NUMB: variants seen among roughly 807,000 people sequenced by gnomAD.
The protein encoded by NUMB is NUMB endocytic adaptor protein.
A neutral mutation model predicts 59.7 loss-of-function variants in NUMB; 29 were observed. The ratio of observed to expected loss-of-function variants is 0.49; its 90% CI spans 0.36 to 0.66. The LOEUF (loss-of-function observed/expected upper bound fraction) is 0.66. Among genes scored for constraint, NUMB ranks in the 30% least tolerant of loss-of-function variants. NUMB has a pLI of 0.00. For missense variants in NUMB, 723 were observed against 822.0 expected, an observed-to-expected ratio of 0.88 and a Z score of 1.47; for synonymous variants, 288 against 288.2, an observed-to-expected ratio of 1.00 and a Z score of 0.01.
At chr14:73,355,831 T>C (rs1164936160) in intron 3 of NUMB, 65 bp from the exon 4 acceptor site, 11 of 1,308,080 alleles carry the variant, frequency 8.4e-6, no homozygotes, top group African/African-American at 1.5e-5. Flanking sequence ...AAACTTTGGA[T>C]TACCATACTA....
intron 1 of NUMB, among the ~76,000 whole-genome samples, chr14:73,451,170 A>AC (rs1883928498): frequency 5.1e-5 from 6 of 117,902 alleles, no homozygotes; most frequent in South Asian, 2.8e-4. Flanking sequence ...AAAAAAAAAA[A>AC]AAAACAAAAA....
At chr14:73,387,229 G>C (rs143560569) in intron 2 of NUMB, among the ~76,000 whole-genome samples, 4 of 152,172 alleles carry the variant, frequency 2.6e-5, no homozygotes, top group Non-Finnish European at 5.9e-5. Context: ...TCCTTACCCT[G>C]ATCCCCTCTT....
At chr14:73,349,925 G>A (rs906046817) in intron 4 of NUMB, among the ~76,000 whole-genome samples, 2 of 151,952 alleles carry the variant, frequency 1.3e-5, no homozygotes, top group Non-Finnish European at 2.9e-5. Flanking sequence ...CATGGTGGCA[G>A]GTGCCTGTAA....
At chr14:73,352,315 C>T (rs1893337863) in intron 4 of NUMB, among the ~76,000 whole-genome samples, 3 of 150,712 alleles carry the variant, frequency 2.0e-5, no homozygotes, top group South Asian at 4.2e-4. Flanking sequence ...GCTTTACTTT[C>T]GCAGAGAAGC....
chr14:73,375,759 G>A (rs1165883635), intron 2 of NUMB, among the ~76,000 whole-genome samples: 1 of 152,120 alleles, frequency 6.6e-6, no homozygotes, highest in Non-Finnish European at 1.5e-5. Context: ...TTCACATGTG[G>A]AAGTCAATTA....
intron 5 of NUMB, among the ~76,000 whole-genome samples, chr14:73,317,691 T>C (rs1348643725): frequency 1.3e-5 from 2 of 152,184 alleles, no homozygotes; most frequent in Non-Finnish European, 1.5e-5. Flanking sequence ...GGCATAACTA[T>C]CTATGCTATC....
intron 11 of NUMB, among the ~76,000 whole-genome samples, chr14:73,280,557 T>C (rs1888553092): frequency 6.6e-6 from 1 of 152,096 alleles, no homozygotes; most frequent in South Asian, 2.1e-4. Context: ...CAGATACCTA[T>C]ATTAGTTTCT....
At chr14:73,341,037 T>TCC (rs1167461755) in intron 4 of NUMB, among the ~76,000 whole-genome samples, 2 of 152,192 alleles carry the variant, frequency 1.3e-5, no homozygotes, top group Non-Finnish European at 2.9e-5. Context: ...CCCTTTGCCT[T>TCC]CCATCATGAT....
intron 1 of NUMB, among the ~76,000 whole-genome samples, chr14:73,453,517 G>T (rs1315190686): frequency 6.6e-6 from 1 of 151,812 alleles, no homozygotes. Flanking sequence ...CTACCTGTGT[G>T]TTGCAGCTGA....
intron 1 of NUMB, among the ~76,000 whole-genome samples, chr14:73,425,520 A>G (rs543682493): frequency 2.0e-5 from 3 of 152,254 alleles, no homozygotes; most frequent in African/African-American, 7.2e-5. Context: ...AATTAAATTT[A>G]AATGTCTCAC....
chr14:73,417,731 C>A (rs574554758), intron 1 of NUMB, among the ~76,000 whole-genome samples: 1 of 152,240 alleles, frequency 6.6e-6, no homozygotes, highest in African/African-American at 2.4e-5. Flanking sequence ...TATTTGTACA[C>A]CAATATTCAA....
intron 1 of NUMB, among the ~76,000 whole-genome samples, chr14:73,441,152 T>C (rs142405763): frequency 8.2e-4 from 124 of 152,126 alleles, no homozygotes; most frequent in African/African-American, 2.7e-3. Flanking sequence ...TCGGCAAGCA[T>C]ATAAAAAGAC....
intron 2 of NUMB, among the ~76,000 whole-genome samples, chr14:73,382,580 A>G (rs1395442952): frequency 6.6e-6 from 1 of 152,150 alleles, no homozygotes; most frequent in Non-Finnish European, 1.5e-5. Context: ...ATACTCTTGA[A>G]GTGGAAACTA....
intron 4 of NUMB, among the ~76,000 whole-genome samples, chr14:73,352,943 C>T (rs1257961496): frequency 6.6e-6 from 1 of 151,368 alleles, no homozygotes; most frequent in Non-Finnish European, 1.5e-5. Context: ...TTTTTGCTTA[C>T]CACCTAGCAT....
intron 2 of NUMB, among the ~76,000 whole-genome samples, chr14:73,382,753 A>G (rs1163297348): frequency 6.6e-6 from 1 of 152,236 alleles, no homozygotes; most frequent in Non-Finnish European, 1.5e-5. Context: ...ATTATTTCCC[A>G]TATATGATGT....
At chr14:73,372,670 C>A (rs1894769339) in intron 2 of NUMB, among the ~76,000 whole-genome samples, 1 of 151,696 alleles carries the variant, frequency 6.6e-6, no homozygotes, top group Admixed American at 6.6e-5. Flanking sequence ...CTCATTTGTT[C>A]AGTCCTAGAA....
At chr14:73,427,881 T>C (rs542252705) in intron 1 of NUMB, among the ~76,000 whole-genome samples, 1 of 152,316 alleles carries the variant, frequency 6.6e-6, no homozygotes, top group Admixed American at 6.5e-5. Context: ...CTGAAAATAT[T>C]ATTTTTTAAT....
intron 1 of NUMB, among the ~76,000 whole-genome samples, chr14:73,411,534 T>C (rs1227891125): frequency 2.0e-5 from 3 of 152,210 alleles, no homozygotes; most frequent in Admixed American, 6.5e-5. Flanking sequence ...ACTGTAAATA[T>C]GTGTTTGTTT....
rs1172254479 is a variant in NUMB, at chr14:73,350,074, T to TACACAC, written c.126+5551_126+5552insGTGTGT. 2.7e-3 allele frequency among the ~76,000 whole-genome samples: 357 copies of TACACAC among 131,116 alleles called. 3 individuals carry two copies. The highest frequency in any genetic ancestry group is 3.6e-3 in the Middle Eastern group (1 of 278). 86.0% of individuals were successfully genotyped at this position (131,116 alleles called of 152,430 possible). On this transcript the variant is annotated intron_variant, in intron 4 of 12. Coordinates refer to ENST00000555238, the MANE Select transcript of NUMB (RefSeq NM_001005743.2). The stretch of plus-strand genomic sequence containing the variant: ...ATACATACATATATACATACATACA[T>TACACAC]ACATACACACACACACACACACACA...
Sources: gnomAD v4.1 joint callset for allele counts (sites outside exome capture counted in the v4.1 genomes callset) on GRCh38, gnomAD v4.1.1 for gene constraint, MANE v1.5 for transcripts, NCBI Gene and HGNC (gene_info 2026-07-23, HGNC 2026-07-21) for gene names.